The following CAB39L variants were observed in gnomAD, a reference collection of about 807,000 sequenced individuals.
CAB39L encodes calcium-binding protein 39-like.
CAB39L carries 23 observed loss-of-function variants against 39.1 expected under a neutral mutation model. The observed-to-expected ratio is 0.59, with a 90% confidence interval of 0.42 to 0.83. The LOEUF (loss-of-function observed/expected upper bound fraction) is 0.83. Ranked by LOEUF, CAB39L falls within the 40% of genes least tolerant of loss-of-function variation. The probability of loss-of-function intolerance (pLI) is 0.00; values close to 1 mark genes in which losing one functional copy is unlikely to be tolerated. For synonymous variants in CAB39L, 126 were observed against 137.2 expected (o/e 0.92, Z 0.57); for missense variants, 366 against 391.9 (o/e 0.93, Z 0.56).
At chr13:49,391,873 A>C (rs998664702) in intron 3 of CAB39L, among the ~76,000 whole-genome samples, 1 of 152,104 alleles carries the variant, frequency 6.6e-6, no homozygotes, top group South Asian at 2.1e-4. Flanking sequence ...AAGAGCAACC[A>C]ATAATTACAA....
chr13:49,355,465 A>G (rs1380679545), intron 6 of CAB39L, among the ~76,000 whole-genome samples: 1 of 152,168 alleles, frequency 6.6e-6, no homozygotes. Flanking sequence ...GAGCACCCCT[A>G]GCAACCAGAT....
intron 5 of CAB39L, among the ~76,000 whole-genome samples, chr13:49,370,273 TA>T (rs1955883812): frequency 6.6e-6 from 1 of 152,108 alleles, no homozygotes; most frequent in Non-Finnish European, 1.5e-5. Flanking sequence ...TTAAATATAT[TA>T]AATTTATATA....
chr13:49,415,047 G>A (rs906656226), intron 3 of CAB39L, among the ~76,000 whole-genome samples: 1 of 151,050 alleles, frequency 6.6e-6, no homozygotes, highest in South Asian at 2.1e-4. Flanking sequence ...AATACAAAAA[G>A]TTAGCTGGGT....
intron 3 of CAB39L, among the ~76,000 whole-genome samples, chr13:49,394,678 C>T (rs1956568452): frequency 6.6e-6 from 1 of 152,088 alleles, no homozygotes; most frequent in Non-Finnish European, 1.5e-5. Flanking sequence ...GGAACATTAG[C>T]ATATGTCACA....
At chr13:49,383,924 G>A (rs987239906) in intron 3 of CAB39L, among the ~76,000 whole-genome samples, 2 of 152,192 alleles carry the variant, frequency 1.3e-5, no homozygotes, top group African/African-American at 2.4e-5. Flanking sequence ...GCTGGTTGGA[G>A]AGTCTTGCAT....
chr13:49,392,138 G>A (rs117592253), intron 3 of CAB39L, among the ~76,000 whole-genome samples: 3 of 152,088 alleles, frequency 2.0e-5, no homozygotes, highest in Non-Finnish European at 4.4e-5. Context: ...TTTAATATAT[G>A]TATTTAGTTG....
intron 1 of CAB39L, among the ~76,000 whole-genome samples, chr13:49,443,661 G>C (rs1205660051): frequency 6.6e-6 from 1 of 152,044 alleles, no homozygotes; most frequent in African/African-American, 2.4e-5. Flanking sequence ...AGAGCTCCCA[G>C]GAACCAATGT....
At chr13:49,323,270 G>A (rs1055703274) in intron 10 of CAB39L, among the ~76,000 whole-genome samples, 7 of 152,170 alleles carry the variant, frequency 4.6e-5, no homozygotes, top group African/African-American at 1.7e-4. Flanking sequence ...CACTGGCTTT[G>A]TGCATCAGGG....
chr13:49,365,883 T>G (rs1955757016), intron 5 of CAB39L, among the ~76,000 whole-genome samples: 1 of 152,156 alleles, frequency 6.6e-6, no homozygotes, highest in African/African-American at 2.4e-5. Context: ...TAGCCAAGAT[T>G]TGGAAACAAC....
chr13:49,400,357 A>C (rs1217397051), intron 3 of CAB39L, among the ~76,000 whole-genome samples: 1 of 151,940 alleles, frequency 6.6e-6, no homozygotes, highest in African/African-American at 2.4e-5. Flanking sequence ...TCCTATTTTA[A>C]GATTATACAA....
intron 3 of CAB39L, among the ~76,000 whole-genome samples, chr13:49,405,751 G>GGA (rs1478083608): frequency 1.0e-4 from 7 of 68,930 alleles, no homozygotes; most frequent in Non-Finnish European, 1.7e-4. Context: ...GGAAGGAAGG[G>GGA]AGGGAGGGAC....
At chr13:49,342,995 G>A (rs563209392) in intron 8 of CAB39L, among the ~76,000 whole-genome samples, 20 of 152,088 alleles carry the variant, frequency 1.3e-4, no homozygotes, top group Non-Finnish European at 2.8e-4. Context: ...ACCTCTTTGT[G>A]TGGCTAACTA....
At chr13:49,359,253 C>G (rs761960473) in intron 6 of CAB39L, among the ~76,000 whole-genome samples, 8 of 152,114 alleles carry the variant, frequency 5.3e-5, no homozygotes, top group Non-Finnish European at 8.8e-5. Context: ...TTATGGCTTC[C>G]CTATAGACCC....
At chr13:49,419,000 A>T (rs536168135) in intron 3 of CAB39L, among the ~76,000 whole-genome samples, 1 of 151,790 alleles carries the variant, frequency 6.6e-6, no homozygotes, top group African/African-American at 2.4e-5. Flanking sequence ...ATGGAGTCTC[A>T]CTCTGTTGCC....
At chr13:49,428,319 G>C (rs1007414397) in intron 3 of CAB39L, among the ~76,000 whole-genome samples, 3 of 152,224 alleles carry the variant, frequency 2.0e-5, no homozygotes, top group African/African-American at 7.2e-5. Context: ...GTTCTTTGCT[G>C]TTTGGGCCTC....
intron 6 of CAB39L, among the ~76,000 whole-genome samples, chr13:49,358,143 G>C (rs1207342985): frequency 6.6e-6 from 1 of 152,150 alleles, no homozygotes; most frequent in Non-Finnish European, 1.5e-5. Flanking sequence ...ATGTGTTATA[G>C]AAGCTTTGTA....
At chr13:49,349,859 T>C (rs1487254641) in intron 7 of CAB39L, among the ~76,000 whole-genome samples, 1 of 152,206 alleles carries the variant, frequency 6.6e-6, no homozygotes, top group Non-Finnish European at 1.5e-5. Context: ...AGCAGGATCA[T>C]AAGCCTAAGT....
In CAB39L at chr13:49,399,541, A is replaced by G. The variant is rs1017499862; in HGVS notation, c.-31-16600T>C. On this transcript the variant is annotated intron_variant, in intron 3 of 10. Transcript: ENST00000409308. ...TACAGCATGGGTAAAATACATGCTT[A>G]GACTATAATAAACGCCCAACAGTCA... 7.2e-5 allele frequency among the ~76,000 whole-genome samples: 11 copies of G among 152,128 alleles called. No individual in the cohort carries two copies. The East Asian group carries it at 2.1e-3, about 29-fold the overall frequency.
intron 4 of CAB39L, among the ~76,000 whole-genome samples, chr13:49,378,786 G>A (rs1224201588): frequency 1.9e-4 from 9 of 47,676 alleles, no homozygotes; most frequent in East Asian, 5.0e-4. Flanking sequence ...CCCCCCGCCC[G>A]GCCAGCCGCC....
Sources: gnomAD v4.1 joint callset for allele counts (sites outside exome capture counted in the v4.1 genomes callset) on GRCh38, gnomAD v4.1.1 for gene constraint, MANE v1.5 for transcripts, NCBI Gene and HGNC (gene_info 2026-07-23, HGNC 2026-07-21) for gene names.